The following ZNF124 variants were observed in gnomAD, a reference collection of about 807,000 sequenced individuals.
ZNF124 encodes the protein zinc finger protein HZF-16.
In ZNF124, 25 loss-of-function variants were observed where a neutral mutation model predicts 26.6. The ratio of observed to expected loss-of-function variants is 0.94; its 90% CI spans 0.68 to 1.31. The LOEUF (loss-of-function observed/expected upper bound fraction) is 1.31, where lower values mean the gene tolerates loss of function less well. Ranked by LOEUF, ZNF124 falls within the 40% of genes most tolerant of loss-of-function variation. The pLI, the probability that ZNF124 is intolerant of heterozygous loss-of-function variation, is 0.00. For synonymous variants in ZNF124, 129 were observed against 133.3 expected (o/e 0.97, Z 0.22); for missense variants, 444 against 422.2 (o/e 1.05, Z -0.45).
chr1:247,160,399 T>C (rs773646418), intron 1 of ZNF124, among the ~76,000 whole-genome samples: 3 of 152,206 alleles, frequency 2.0e-5, no homozygotes, highest in Non-Finnish European at 4.4e-5. Context: ...CTTTATAGCA[T>C]ATACCTGCAG....
chr1:247,161,588 C>G (rs1044414470), intron 1 of ZNF124, among the ~76,000 whole-genome samples: 6 of 151,380 alleles, frequency 4.0e-5, no homozygotes, highest in African/African-American at 1.5e-4. Context: ...AAATAAAAAT[C>G]TGCAATACAT....
At chr1:247,159,979 C>CT (rs1212199135) in intron 1 of ZNF124, 166 bp from the exon 2 acceptor site, 8,891 of 147,212 alleles carry the variant, frequency 0.06, 476 homozygotes, top group Non-Finnish European at 0.065. Flanking sequence ...CATAGCAGTT[C>CT]TTTTTTTTTT....
At chr1:247,124,331 G>A (rs116436007) in intron 3 of ZNF124, among the ~76,000 whole-genome samples, 6,498 of 151,828 alleles carry the variant, frequency 0.043, 140 homozygotes, top group Middle Eastern at 0.065. Context: ...AGTCTCCTGC[G>A]TAGCTGGGAT....
chr1:247,141,008 G>A (rs1329305590), intron 3 of ZNF124, among the ~76,000 whole-genome samples: 1 of 152,180 alleles, frequency 6.6e-6, no homozygotes, highest in East Asian at 1.9e-4. Context: ...AGCAGAGGAA[G>A]GGACCTTAAT....
intron 3 of ZNF124, among the ~76,000 whole-genome samples, chr1:247,126,127 A>T (rs10158232): frequency 0.3 from 45,357 of 151,298 alleles, 7,019 homozygotes; most frequent in Middle Eastern, 0.38. Context: ...ATTATATTGT[A>T]CCCTATTTTA....
intron 3 of ZNF124, among the ~76,000 whole-genome samples, chr1:247,144,525 A>G (rs775635896): frequency 6.6e-6 from 1 of 152,128 alleles, no homozygotes; most frequent in Admixed American, 6.5e-5. Context: ...TCCTAACCCA[A>G]GGAGGACTGA....
intron 3 of ZNF124, among the ~76,000 whole-genome samples, chr1:247,125,796 G>T (rs896855019): frequency 1.3e-5 from 2 of 152,174 alleles, no homozygotes; most frequent in Non-Finnish European, 2.9e-5. Flanking sequence ...ATTGAGAGAG[G>T]ATTCAAACAG....
chr1:247,127,782 A>C lies in ZNF124; in HGVS notation c.219-3911T>G, dbSNP rs571368196. On this transcript the variant is annotated intron_variant, in intron 3 of 3. Coordinates refer to the ZNF124 transcript ENST00000472531. Reference sequence around the variant, plus strand: ...AGAGCTGTAAGCCCTTAAAAGAGACAGGAATTGCTCACTTGGGGAGCTCGG... The same window carrying C: ...AGAGCTGTAAGCCCTTAAAAGAGACCGGAATTGCTCACTTGGGGAGCTCGG... 2.0e-5 allele frequency among the ~76,000 whole-genome samples: 3 copies of C among 149,920 alleles called. No homozygotes were observed. The East Asian group carries it at 5.8e-4, about 29-fold the overall frequency.
At chr1:247,149,393 A>G (rs1249190456) in intron 3 of ZNF124, among the ~76,000 whole-genome samples, 2 of 152,258 alleles carry the variant, frequency 1.3e-5, no homozygotes, top group African/African-American at 4.8e-5. Context: ...GACTTCTGCA[A>G]TCCCAGGTTT....
At chr1:247,131,517 CA>C (rs1443572101) in intron 3 of ZNF124, among the ~76,000 whole-genome samples, 4 of 152,186 alleles carry the variant, frequency 2.6e-5, no homozygotes, top group African/African-American at 9.6e-5. Flanking sequence ...ACTGGGACTC[CA>C]ACTGCCTAAC....
At chr1:247,146,099 C>A (rs1225905726) in intron 3 of ZNF124, among the ~76,000 whole-genome samples, 3 of 152,160 alleles carry the variant, frequency 2.0e-5, no homozygotes, top group Admixed American at 6.5e-5. Context: ...GTGTGACCAC[C>A]CCACTCAGGT....
chr1:247,157,301 T>C lies in ZNF124; in HGVS notation c.321A>G (p.Thr107=). 1 of 1,600,488 alleles carries C rather than the reference T, an allele frequency of 6.2e-7. No individual in the cohort carries two copies. Among genetic ancestry groups the C allele is most frequent in the Non-Finnish European group, 8.5e-7 (1 of 1,172,128 alleles). The change falls in exon 4 of 4, where the codon ACA becomes ACG. Residue 107 remains threonine, a synonymous_variant. Coordinates refer to ENST00000543802, the MANE Select transcript of ZNF124 (RefSeq NM_001297568.2). ...GCATTACTGTGTCTCTGTGAACCCT[T>C]GTGACAGAAAGGGAAGTTTTCTGAC... ...KQCQKTSLSV[T]RVHRDTVMHT... is the part of the protein sequence containing the mutation.
chr1:247,124,269 T>A (rs1392555848), intron 3 of ZNF124, among the ~76,000 whole-genome samples: 1 of 151,698 alleles, frequency 6.6e-6, no homozygotes, highest in Non-Finnish European at 1.5e-5. Flanking sequence ...AAAGGTGTGA[T>A]CTTGGCTCAC....
intron 3 of ZNF124, among the ~76,000 whole-genome samples, chr1:247,143,469 C>T (rs1334944826): frequency 6.6e-6 from 1 of 152,056 alleles, no homozygotes; most frequent in Non-Finnish European, 1.5e-5. Context: ...CTACAGAAAT[C>T]CTGCCCTCTC....
rs373728941 is a variant in ZNF124, at chr1:247,133,239, G to GA, written c.219-9369dup. ...AATAAGACATGCAGACAAGAAGAGAGAAAAAAAAATGAAAAAGAATTAACA... is the reference window on the plus strand; with the variant it reads ...AATAAGACATGCAGACAAGAAGAGAGAAAAAAAAAATGAAAAAGAATTAACA... On this transcript the variant is annotated intron_variant, in intron 3 of 3. Transcript: ENST00000472531. 2.3e-3 allele frequency among the ~76,000 whole-genome samples: 342 copies of GA among 149,792 alleles called. 1 individual carries two copies. Among genetic ancestry groups the GA allele is most frequent in the African/African-American group, 7.9e-3 (324 of 40,790 alleles).
intron 2 of ZNF124, 39 bp from the exon 3 acceptor site, chr1:247,159,105 A>G (rs763799001): frequency 1.4e-5 from 22 of 1,569,750 alleles, no homozygotes; most frequent in Non-Finnish European, 1.9e-5. Flanking sequence ...AAATTATTTG[A>G]AATTATAGAA....
At chr1:247,153,419 G>C (rs1431405059), downstream of ZNF124, among the ~76,000 whole-genome samples, 1 of 152,188 alleles carries the variant, frequency 6.6e-6, no homozygotes, top group African/African-American at 2.4e-5. Flanking sequence ...GACAGGAGTA[G>C]AGTGGGGACT....
chr1:247,130,613 TATC>T (rs911815275), intron 3 of ZNF124, among the ~76,000 whole-genome samples: 2 of 152,248 alleles, frequency 1.3e-5, no homozygotes, highest in Non-Finnish European at 2.9e-5. Context: ...AATAATATGT[TATC>T]ATGTAAATAA....
At chr1:247,160,137 C>T (rs561010441) in intron 1 of ZNF124, among the ~76,000 whole-genome samples, 1 of 152,270 alleles carries the variant, frequency 6.6e-6, no homozygotes, top group South Asian at 2.1e-4. Context: ...AGGCACATGT[C>T]ACCACGCCCA....
Sources: allele counts gnomAD v4.1 joint callset (sites outside exome capture counted in the v4.1 genomes callset), GRCh38; gene constraint gnomAD v4.1.1; transcripts MANE v1.5; gene names NCBI Gene and HGNC (gene_info 2026-07-23, HGNC 2026-07-21).